Variants in TECRL observed in about 807,000 individuals in gnomAD.
The protein encoded by TECRL is trans-2,3-enoyl-CoA reductase like, also known as trans-2,3-enoyl-CoA reductase-like.
In TECRL, 63 loss-of-function variants were observed where a neutral mutation model predicts 52.8. That is an observed-to-expected ratio of 1.19 (90% CI 0.97 to 1.47). TECRL has a LOEUF of 1.47. Ranked by LOEUF, TECRL falls within the 40% of genes most tolerant of loss-of-function variation. The pLI is 0.00. For missense variants in TECRL, 482 were observed against 429.6 expected (o/e 1.12, Z -1.08); for synonymous variants, 164 against 141.9 (o/e 1.16, Z -1.10).
At position 64,409,257 on chromosome 4, in the gene TECRL, T is replaced by C. The variant is rs763048539; in HGVS notation, c.95A>G (p.Asn32Ser). 1.2e-6 allele frequency: 2 copies of C among 1,607,570 alleles called. No individual in the cohort carries two copies. The highest frequency in any genetic ancestry group is 1.1e-5 in the South Asian group (1 of 90,870). ...TRFILKDDMR[N>S]FHFLSKLVLS... ...TACAAGTTTTGACAAAAAGTGAAAA[T>C]TTCTCATATCATCCTTCAGTATGAA... Residue 32 changes from asparagine (N) to serine (S), a missense_variant, in exon 1 of 12, where the codon AAT becomes AGT. Asn to Ser is a conservative substitution (Grantham distance 46, BLOSUM62 1). Transcript: ENST00000381210.
At chr4:64,339,827 T>C (rs1231941821) in intron 2 of TECRL, among the ~76,000 whole-genome samples, 1 of 152,118 alleles carries the variant, frequency 6.6e-6, no homozygotes, top group Non-Finnish European at 1.5e-5. Context: ...TCTAAAACAT[T>C]CCTTGATTTT....
intron 8 of TECRL, among the ~76,000 whole-genome samples, chr4:64,294,924 A>G (rs1009572784): frequency 6.6e-6 from 1 of 152,040 alleles, no homozygotes; most frequent in Non-Finnish European, 1.5e-5. Context: ...ACTTTAATAG[A>G]TAATGCATAT....
intron 2 of TECRL, among the ~76,000 whole-genome samples, chr4:64,339,712 G>A (rs536867359): frequency 9.2e-5 from 14 of 151,812 alleles, no homozygotes; most frequent in East Asian, 7.8e-4. Context: ...CTCTTTCCCC[G>A]CGTCTTATAC....
chr4:64,395,561 C>T (rs770679251), intron 1 of TECRL, among the ~76,000 whole-genome samples: 7 of 152,162 alleles, frequency 4.6e-5, no homozygotes, highest in African/African-American at 7.2e-5. Flanking sequence ...GTAATCTGGA[C>T]TTGACTTCTA....
Position 64,363,295 on chromosome 4 carries a change from A to G in TECRL, c.286+11877T>C, listed in dbSNP as rs189637790. Reference sequence around the variant, plus strand: ...GGCAGATCATCAAGGGAGAAAACTAACAAAGATATTCATGACCTAAAATCG... The same window carrying G: ...GGCAGATCATCAAGGGAGAAAACTAGCAAAGATATTCATGACCTAAAATCG... On this transcript the variant is annotated intron_variant, in intron 2 of 11. Coordinates refer to ENST00000381210, the MANE Select transcript of TECRL (RefSeq NM_001010874.5). Among the ~76,000 whole-genome samples the G allele has an allele frequency of 3.3e-4, 50 of 152,276 alleles. 1 individual carries two copies. The highest frequency in any genetic ancestry group is 5.9e-4 in the Admixed American group (9 of 15,276).
At chr4:64,283,851 G>A (rs1010936719) in intron 9 of TECRL, among the ~76,000 whole-genome samples, 3 of 152,020 alleles carry the variant, frequency 2.0e-5, no homozygotes, top group Non-Finnish European at 4.4e-5. Context: ...TGAAAGTTGA[G>A]CACATCCTTC....
intron 2 of TECRL, among the ~76,000 whole-genome samples, chr4:64,357,113 T>C (rs1720829019): frequency 6.6e-6 from 1 of 152,144 alleles, no homozygotes; most frequent in Non-Finnish European, 1.5e-5. Context: ...TATAATGCCA[T>C]ATAATATCAC....
intron 2 of TECRL, among the ~76,000 whole-genome samples, chr4:64,349,035 A>G (rs1342298142): frequency 3.4e-5 from 5 of 145,668 alleles, no homozygotes; most frequent in African/African-American, 1.3e-4. Context: ...TTTAAATGTA[A>G]TTCCTTTACT....
At chr4:64,354,981 TAAGTA>T (rs765300220) in intron 2 of TECRL, among the ~76,000 whole-genome samples, 2 of 152,014 alleles carry the variant, frequency 1.3e-5, no homozygotes, top group African/African-American at 2.4e-5. Context: ...GATAAGTGAG[TAAGTA>T]AAGTAGAGTG....
chr4:64,313,977 C>CAAAAAAAAAA (rs752037972), intron 5 of TECRL, among the ~76,000 whole-genome samples: 38 of 61,854 alleles, frequency 6.1e-4, no homozygotes, highest in South Asian at 2.1e-3. Context: ...ACTAAAAATA[C>CAAAAAAAAAA]AAAAAAAAAA....
intron 8 of TECRL, among the ~76,000 whole-genome samples, chr4:64,291,291 A>T (rs1723373055): frequency 6.6e-6 from 1 of 152,042 alleles, no homozygotes; most frequent in Non-Finnish European, 1.5e-5. Context: ...ACTTCCACAG[A>T]TTATCCTACA....
chr4:64,331,454 G>C (rs990110768), intron 2 of TECRL, among the ~76,000 whole-genome samples: 1 of 151,852 alleles, frequency 6.6e-6, no homozygotes, highest in African/African-American at 2.4e-5. Flanking sequence ...CCCTCAAGTA[G>C]GTAAACTTAC....
At chr4:64,345,665 T>C (rs1453252143) in intron 2 of TECRL, among the ~76,000 whole-genome samples, 1 of 151,394 alleles carries the variant, frequency 6.6e-6, no homozygotes, top group African/African-American at 2.4e-5. Flanking sequence ...CTAACCTGCA[T>C]GTTGTGCACA....
chr4:64,313,725 C>T (rs936381327), intron 5 of TECRL, among the ~76,000 whole-genome samples: 2 of 150,614 alleles, frequency 1.3e-5, no homozygotes, highest in African/African-American at 2.4e-5. Flanking sequence ...TTGTGATCCA[C>T]CCGCCTAGGC....
intron 4 of TECRL, among the ~76,000 whole-genome samples, chr4:64,316,547 T>C (rs1331551319): frequency 6.6e-6 from 1 of 152,070 alleles, no homozygotes; most frequent in African/African-American, 2.4e-5. Context: ...TAGTTCAAGA[T>C]GAAGAAAATA....
chr4:64,296,772 G>T (rs1395453071), intron 8 of TECRL, among the ~76,000 whole-genome samples: 1 of 151,694 alleles, frequency 6.6e-6, no homozygotes, highest in Non-Finnish European at 1.5e-5. Flanking sequence ...ATTGGATTCA[G>T]AGGATGAGGT....
intron 2 of TECRL, among the ~76,000 whole-genome samples, chr4:64,354,134 C>T (rs1310072509): frequency 6.6e-6 from 1 of 152,032 alleles, no homozygotes; most frequent in African/African-American, 2.4e-5. Flanking sequence ...ACAAAGAACA[C>T]CATTTTGAAG....
At chr4:64,277,349 C>G (rs1346249806), downstream of TECRL, among the ~76,000 whole-genome samples, 1 of 151,850 alleles carries the variant, frequency 6.6e-6, no homozygotes, top group Non-Finnish European at 1.5e-5. Flanking sequence ...GGACATTTAT[C>G]ACAAGTAGTT....
At chr4:64,362,802 A>T (rs1721288550) in intron 2 of TECRL, among the ~76,000 whole-genome samples, 2 of 152,094 alleles carry the variant, frequency 1.3e-5, no homozygotes, top group Non-Finnish European at 2.9e-5. Flanking sequence ...AGTGTACATA[A>T]CAACCAGTTA....
Sources: allele counts gnomAD v4.1 joint callset (sites outside exome capture counted in the v4.1 genomes callset), GRCh38; gene constraint gnomAD v4.1.1; transcripts MANE v1.5; gene names NCBI Gene and HGNC (gene_info 2026-07-23, HGNC 2026-07-21).